Variants in SLCO5A1 observed in about 807,000 individuals in gnomAD.
SLCO5A1 encodes solute carrier organic anion transporter family member 5A1.
SLCO5A1 carries 39 observed loss-of-function variants against 65.1 expected under a neutral mutation model. The observed-to-expected ratio is 0.60, with a 90% CI of 0.46 to 0.78. The LOEUF (loss-of-function observed/expected upper bound fraction) is 0.78, where lower values mean the gene tolerates loss of function less well. SLCO5A1 is among the 30% of genes least tolerant of loss of function. The pLI, the probability that SLCO5A1 is intolerant of heterozygous loss-of-function variation, is 0.00. For synonymous variants in SLCO5A1, 438 were observed against 415.7 expected (o/e 1.05, Z -0.65); for missense variants, 1,029 against 1,069.4 (o/e 0.96, Z 0.53).
At chr8:69,830,551 T>C (rs1311390048) in intron 2 of SLCO5A1, among the ~76,000 whole-genome samples, 1 of 152,234 alleles carries the variant, frequency 6.6e-6, no homozygotes, top group East Asian at 1.9e-4. Context: ...TGCACTCCAG[T>C]ACAGAAATAG....
At chr8:69,699,485 C>A (rs957847436) in intron 6 of SLCO5A1, among the ~76,000 whole-genome samples, 1 of 152,134 alleles carries the variant, frequency 6.6e-6, no homozygotes, top group South Asian at 2.1e-4. Flanking sequence ...CACTGCAGCA[C>A]CCTGATGAAA....
At chr8:69,824,999 G>T (rs756252397) in intron 2 of SLCO5A1, among the ~76,000 whole-genome samples, 9 of 152,054 alleles carry the variant, frequency 5.9e-5, no homozygotes, top group Non-Finnish European at 1.2e-4. Context: ...ATGTAATCCA[G>T]CATATAAACA....
chr8:69,726,265 G>A lies in SLCO5A1; in HGVS notation c.1423+11775C>T, dbSNP rs537202754. Among the ~76,000 whole-genome samples the A allele has an allele frequency of 4.6e-5, 7 of 152,252 alleles. No individual in the cohort carries two copies. The South Asian group carries it at 1.4e-3, about 32-fold the overall frequency. ...CTTAAAATTTCTTTTTTCCCACTAA[G>A]AGTTGTGAAAAGTAGCCATTTATAT... On this transcript the variant is annotated intron_variant, in intron 5 of 9. Coordinates refer to ENST00000260126, the MANE Select transcript of SLCO5A1 (RefSeq NM_030958.3).
Position 69,764,693 on chromosome 8 carries a change from G to A in SLCO5A1, c.908-2818C>T, listed in dbSNP as rs1029967387. ...AATAGAAAGTACTTTTTCTGTTATA[G>A]GTATTCCCATACGCATATGAAGACA... On this transcript the variant is annotated intron_variant, in intron 2 of 9. Transcript: ENST00000260126. Among the ~76,000 whole-genome samples, 60 of 152,076 alleles carry A rather than the reference G, an allele frequency of 3.9e-4. 1 individual carries two copies. The highest frequency in any genetic ancestry group is 1.4e-3 in the African/African-American group (58 of 41,416).
chr8:69,751,072 A>C (rs1255949895), intron 4 of SLCO5A1, among the ~76,000 whole-genome samples: 1 of 152,240 alleles, frequency 6.6e-6, no homozygotes, highest in Non-Finnish European at 1.5e-5. Context: ...CTAGCAGAGA[A>C]ATCTCTGTTA....
chr8:69,732,771 C>T (rs1171824781), intron 5 of SLCO5A1, among the ~76,000 whole-genome samples: 2 of 152,100 alleles, frequency 1.3e-5, no homozygotes, highest in African/African-American at 2.4e-5. Flanking sequence ...TGCCTGTAGT[C>T]CCAGCTACTT....
At chr8:69,770,556 T>C (rs902213819) in intron 2 of SLCO5A1, among the ~76,000 whole-genome samples, 2 of 152,136 alleles carry the variant, frequency 1.3e-5, no homozygotes, top group African/African-American at 4.8e-5. Context: ...AGCTCAGCTG[T>C]GTACTTTCGT....
In SLCO5A1 at chr8:69,832,541, A is replaced by T. The variant is rs1389959012; in HGVS notation, c.133T>A (p.Ser45Thr). 6.2e-7 allele frequency: 1 copy of T among 1,608,640 alleles called. No individual in the cohort carries two copies. Among genetic ancestry groups the T allele is most frequent in the East Asian group, 2.2e-5 (1 of 44,840 alleles). The stretch of plus-strand genomic sequence containing the variant: ...GTGGGACTGAGGCTTGGCCGGCAGG[A>T]GGCGCTGCTGAGGACCGGTAAACTC... ...SKSLPVLSSASCRPSLSPTSG... is the reference protein window; with the variant it reads ...SKSLPVLSSATCRPSLSPTSG... The change falls in exon 2 of 10, where the codon TCC becomes ACC. Residue 45 changes from serine (S) to threonine (T), a missense_variant. Ser to Thr is a moderately conservative substitution (Grantham distance 58). Transcript: ENST00000260126. This position sits in a 1 kb window ranked among gnomAD's most constrained non-coding sequence, Gnocchi z 4.5.
intron 2 of SLCO5A1, among the ~76,000 whole-genome samples, chr8:69,779,359 T>C (rs1219374600): frequency 6.6e-6 from 1 of 152,212 alleles, no homozygotes; most frequent in Admixed American, 6.5e-5. Context: ...GTTAACTATG[T>C]AGAATAAAAT....
At chr8:69,762,118 T>TTTTCTTTCTTTCTTTC (rs552749800) in intron 2 of SLCO5A1, among the ~76,000 whole-genome samples, 34 of 104,710 alleles carry the variant, frequency 3.2e-4, no homozygotes, top group African/African-American at 4.0e-4. Flanking sequence ...TTTTGTTTTG[T>TTTTCTTTCTTTCTTTC]TTTCTTTCTT....
At position 69,704,960 on chromosome 8, in the gene SLCO5A1, A is replaced by C. The variant is rs1263200820; in HGVS notation, c.1622+71T>G. The C allele has an allele frequency of 5.0e-6, 7 of 1,412,142 alleles. No homozygotes were observed. In the African/African-American group the frequency reaches 8.4e-5, roughly 17 times the overall value. The allele number at this position is 1,412,142 out of a possible 1,614,324, so 87.5% of individuals were successfully genotyped here. On this transcript the variant is annotated intron_variant, in intron 6 of 9. Transcript: ENST00000260126. ...GAGGGAGGGGTATGAGGCTGACTGC[A>C]GATGCACAAACACCACAGGGCTTTG...
chr8:69,704,513 G>C (rs1433632959), intron 6 of SLCO5A1, among the ~76,000 whole-genome samples: 2 of 152,138 alleles, frequency 1.3e-5, no homozygotes. Flanking sequence ...ACAAAAGAGG[G>C]ACAATTGAAA....
chr8:69,818,741 C>T (rs907187827), intron 2 of SLCO5A1, among the ~76,000 whole-genome samples: 1 of 152,138 alleles, frequency 6.6e-6, no homozygotes, highest in Admixed American at 6.6e-5. Context: ...CAAAAATGAC[C>T]ACCACACAGC....
At chr8:69,753,899 C>G (rs1413525123) in intron 4 of SLCO5A1, among the ~76,000 whole-genome samples, 1 of 150,924 alleles carries the variant, frequency 6.6e-6, no homozygotes, top group Non-Finnish European at 1.5e-5. Flanking sequence ...GCCTGTAATG[C>G]CAGCTGTTCG....
intron 4 of SLCO5A1, among the ~76,000 whole-genome samples, chr8:69,748,611 A>C (rs1489710071): frequency 6.6e-6 from 1 of 152,206 alleles, no homozygotes; most frequent in Non-Finnish European, 1.5e-5. Flanking sequence ...TTTAGATTTG[A>C]CTCTGACTTT....
chr8:69,701,023 CG>C (rs2130806774), intron 6 of SLCO5A1, among the ~76,000 whole-genome samples: 1 of 152,024 alleles, frequency 6.6e-6, no homozygotes, highest in East Asian at 1.9e-4. Context: ...GGATGACAGC[CG>C]GGCAGCCAGC....
chr8:69,827,366 A>G (rs1233417647), intron 2 of SLCO5A1, among the ~76,000 whole-genome samples: 2 of 152,196 alleles, frequency 1.3e-5, no homozygotes, highest in Non-Finnish European at 1.5e-5. Context: ...AATACCTACA[A>G]AGCTTTCTCT....
At chr8:69,784,546 C>T (rs1156776405) in intron 2 of SLCO5A1, among the ~76,000 whole-genome samples, 2 of 151,890 alleles carry the variant, frequency 1.3e-5, no homozygotes, top group African/African-American at 4.8e-5. Context: ...CCAGCACTTT[C>T]GGAGGCCGAG....
At chr8:69,777,327 A>G (rs1231341765) in intron 2 of SLCO5A1, among the ~76,000 whole-genome samples, 1 of 152,206 alleles carries the variant, frequency 6.6e-6, no homozygotes, top group Non-Finnish European at 1.5e-5. Flanking sequence ...GATTCAATTT[A>G]TGAAATTCTA....
Sources: allele counts gnomAD v4.1 joint callset (sites outside exome capture counted in the v4.1 genomes callset), GRCh38; gene constraint gnomAD v4.1.1; non-coding constraint Gnocchi (gnomAD v3.1); transcripts MANE v1.5; gene names NCBI Gene and HGNC (gene_info 2026-07-23, HGNC 2026-07-21).